HRH1: variants seen among roughly 807,000 people sequenced by gnomAD.
HRH1 encodes histamine H1 receptor.
Under a neutral mutation model 10.3 loss-of-function variants are expected in HRH1, and 6 were observed. The observed-to-expected ratio is 0.58, with a 90% CI of 0.32 to 1.15. The LOEUF (loss-of-function observed/expected upper bound fraction) is 1.15. Among genes scored for constraint, HRH1 ranks in the 50% most tolerant of loss-of-function variants. HRH1 has a pLI of 0.05. For synonymous variants in HRH1, 242 were observed against 236.7 expected, an observed-to-expected ratio of 1.02 and a Z score of -0.21; for missense variants, 514 against 615.3, an observed-to-expected ratio of 0.84 and a Z score of 1.74.
intron 1 of HRH1, among the ~76,000 whole-genome samples, chr3:11,209,448 T>G (rs527775671): frequency 1.1e-4 from 16 of 152,348 alleles, no homozygotes; most frequent in African/African-American, 3.6e-4. Context: ...CTTGACTCTT[T>G]TCTTTGTACC....
intron 1 of HRH1, among the ~76,000 whole-genome samples, chr3:11,246,798 C>T (rs1187702828): frequency 6.6e-6 from 1 of 152,058 alleles, no homozygotes; most frequent in Non-Finnish European, 1.5e-5. Context: ...GTAATCCCAG[C>T]ACTTTGGGAG....
rs1939896519 is a variant in HRH1, at chr3:11,259,938, T to A, written c.901T>A (p.Tyr301Asn). Reference protein sequence around the residue: ...QEDDREVDKLYCFPLDIVHMQ... With the variant: ...QEDDREVDKLNCFPLDIVHMQ... Reference sequence around the variant, plus strand: ...GGATGATAGAGAAGTAGACAAACTCTACTGCTTTCCACTTGATATTGTGCA... The same window carrying A: ...GGATGATAGAGAAGTAGACAAACTCAACTGCTTTCCACTTGATATTGTGCA... Residue 301 changes from tyrosine (Y) to asparagine (N), a missense_variant, in exon 2 of 2, where the codon TAC (tyrosine) becomes AAC (asparagine). Physicochemically the swap from Tyr to Asn is moderately radical, Grantham distance 143. Transcript: ENST00000431010. This position sits in a 1 kb window ranked among gnomAD's most constrained non-coding sequence, Gnocchi z 4.6. The A allele has an allele frequency of 2.5e-6, 4 of 1,614,200 alleles. No individual in the cohort carries two copies. The highest frequency in any genetic ancestry group is 3.4e-6 in the Non-Finnish European group (4 of 1,180,022).
intron 1 of HRH1, among the ~76,000 whole-genome samples, chr3:11,216,146 T>C (rs1412955564): frequency 6.6e-6 from 1 of 152,054 alleles, no homozygotes; most frequent in African/African-American, 2.4e-5. Flanking sequence ...GTGGTGGAAA[T>C]GAACATTAAA....
At chr3:11,230,443 G>A (rs548069560) in intron 1 of HRH1, among the ~76,000 whole-genome samples, 3 of 152,254 alleles carry the variant, frequency 2.0e-5, no homozygotes, top group South Asian at 4.1e-4. Flanking sequence ...CTACTGAATC[G>A]ACTAAGCTGG....
intron 1 of HRH1, among the ~76,000 whole-genome samples, chr3:11,203,290 G>T (rs777137140): frequency 1.3e-5 from 2 of 152,176 alleles, no homozygotes; most frequent in African/African-American, 2.4e-5. Flanking sequence ...TTGCTGCATG[G>T]TATGGTAAGA....
intron 1 of HRH1, among the ~76,000 whole-genome samples, chr3:11,221,867 A>G (rs1313006430): frequency 1.3e-5 from 2 of 152,166 alleles, no homozygotes; most frequent in Non-Finnish European, 1.5e-5. Flanking sequence ...TCTGATTGGC[A>G]TATTTTACTT....
chr3:11,241,943 G>A (rs551378090), intron 1 of HRH1, among the ~76,000 whole-genome samples: 1 of 152,000 alleles, frequency 6.6e-6, no homozygotes, highest in African/African-American at 2.4e-5. Flanking sequence ...ACCAGTGGGC[G>A]CTCTCTAAAA....
intron 1 of HRH1, among the ~76,000 whole-genome samples, chr3:11,222,663 G>A (rs753155777): frequency 2.0e-5 from 3 of 151,966 alleles, no homozygotes; most frequent in Non-Finnish European, 2.9e-5. Context: ...GTCTGCTGGC[G>A]AGCTGTGCGT....
At chr3:11,185,804 G>A (rs1396637561) in intron 1 of HRH1, among the ~76,000 whole-genome samples, 1 of 152,024 alleles carries the variant, frequency 6.6e-6, no homozygotes, top group Non-Finnish European at 1.5e-5. Flanking sequence ...AGGAGGTGGG[G>A]TGGGGCCTGT....
intron 1 of HRH1, among the ~76,000 whole-genome samples, chr3:11,201,246 G>C (rs185899010): frequency 1.2e-4 from 19 of 152,352 alleles, no homozygotes; most frequent in Non-Finnish European, 2.5e-4. Context: ...GAGAGGGGCT[G>C]ACAGAGGCAA....
intron 1 of HRH1, among the ~76,000 whole-genome samples, chr3:11,224,450 C>G (rs1338310495): frequency 1.3e-5 from 2 of 152,230 alleles, no homozygotes; most frequent in African/African-American, 2.4e-5. Context: ...GTAATCCCAG[C>G]ACTTTGGGAG....
At chr3:11,159,812 C>T (rs1936889610) in intron 1 of HRH1, among the ~76,000 whole-genome samples, 1 of 152,138 alleles carries the variant, frequency 6.6e-6, no homozygotes, top group African/African-American at 2.4e-5. Context: ...CAGTGAGGCC[C>T]CCAGTGGATG....
intron 1 of HRH1, among the ~76,000 whole-genome samples, chr3:11,218,306 G>A (rs1273959225): frequency 6.6e-6 from 1 of 151,986 alleles, no homozygotes; most frequent in Non-Finnish European, 1.5e-5. Context: ...AAATTAGCCA[G>A]GCGTGGTGGC....
At chr3:11,169,740 C>T (rs554834310) in intron 1 of HRH1, among the ~76,000 whole-genome samples, 17 of 152,324 alleles carry the variant, frequency 1.1e-4, no homozygotes, top group Non-Finnish European at 1.6e-4. Flanking sequence ...TCCATCAAGA[C>T]GAAGCTGATG....
chr3:11,234,626 CTTCTTTGGTTATAAAT>C, intron 1 of HRH1: 2 of 1,414,648 alleles, frequency 1.4e-6, no homozygotes, highest in East Asian at 4.6e-5. Context: ...GTTTCATGGT[CTTCTTTGGTTATAAAT>C]ATGATTCGAT....
intron 1 of HRH1, among the ~76,000 whole-genome samples, chr3:11,177,479 C>T (rs1937269620): frequency 1.3e-5 from 2 of 152,116 alleles, no homozygotes; most frequent in South Asian, 4.1e-4. Flanking sequence ...TCAAACATCA[C>T]CTCATTCGTG....
chr3:11,218,156 C>T (rs1938575953), intron 1 of HRH1, among the ~76,000 whole-genome samples: 1 of 152,160 alleles, frequency 6.6e-6, no homozygotes, highest in East Asian at 1.9e-4. Flanking sequence ...AGTAAGAAAA[C>T]AATTTTAAGG....
In HRH1 at chr3:11,162,606, G is replaced by T. The variant is rs543175959; in HGVS notation, c.-36+8052G>T. Among the ~76,000 whole-genome samples, 4 of 151,998 alleles carry T rather than the reference G, an allele frequency of 2.6e-5. No individual in the cohort carries two copies. The South Asian group carries it at 8.3e-4, about 32-fold the overall frequency. ...TATAGATGAGACAACTGAGGCTAGAGACATGGAGTAACTTATGCTAGAGTG... is the reference window on the plus strand; with the variant it reads ...TATAGATGAGACAACTGAGGCTAGATACATGGAGTAACTTATGCTAGAGTG... On this transcript the variant is annotated intron_variant, in intron 1 of 1. Coordinates refer to ENST00000431010, the MANE Select transcript of HRH1 (RefSeq NM_001098212.2).
Position 11,197,608 on chromosome 3 carries a change from T to C in HRH1, c.-36+43054T>C, listed in dbSNP as rs373886036. Among the ~76,000 whole-genome samples the C allele has an allele frequency of 7.2e-5, 11 of 152,338 alleles. No individual in the cohort carries two copies. In the South Asian group the frequency reaches 2.3e-3, roughly 32 times the overall value. On this transcript the variant is annotated intron_variant, in intron 1 of 1. Coordinates refer to ENST00000431010, the MANE Select transcript of HRH1 (RefSeq NM_001098212.2). ...CTCAATGAATTCAATAAAAAGTAGATAAAGTAATGCAATCCAATTTAGTAA... is the reference window on the plus strand; with the variant it reads ...CTCAATGAATTCAATAAAAAGTAGACAAAGTAATGCAATCCAATTTAGTAA...
Sources: gnomAD v4.1 joint callset for allele counts (sites outside exome capture counted in the v4.1 genomes callset) on GRCh38, gnomAD v4.1.1 for gene constraint, Gnocchi (gnomAD v3.1) non-coding constraint, MANE v1.5 for transcripts, NCBI Gene and HGNC (gene_info 2026-07-23, HGNC 2026-07-21) for gene names.